Variants in LDB2 observed in about 807,000 individuals in gnomAD.
LDB2 encodes LIM domain-binding protein 2.
In LDB2, 12 loss-of-function variants were observed where a neutral mutation model predicts 44.3. That is an observed-to-expected ratio of 0.27 (90% confidence interval 0.17 to 0.44). The LOEUF is 0.44. Among genes scored for constraint, LDB2 ranks in the 20% least tolerant of loss-of-function variants. LDB2 has a pLI of 1.00. For missense variants in LDB2, 344 were observed against 473.5 expected (o/e 0.73, Z 2.54); for synonymous variants, 164 against 174.8 (o/e 0.94, Z 0.49).
intron 2 of LDB2, among the ~76,000 whole-genome samples, chr4:16,757,357 C>T (rs968316481): frequency 2.6e-5 from 4 of 152,040 alleles, no homozygotes; most frequent in African/African-American, 9.7e-5. Context: ...TATTTTGGCT[C>T]GGAGAAACAA....
intron 5 of LDB2, among the ~76,000 whole-genome samples, chr4:16,559,158 A>G (rs565019894): frequency 1.6e-4 from 24 of 152,326 alleles, no homozygotes; most frequent in Middle Eastern, 3.4e-3. Flanking sequence ...TGCATCAACT[A>G]ACTAGCAAAA....
chr4:16,614,763 T>C (rs1322683841), intron 2 of LDB2, among the ~76,000 whole-genome samples: 1 of 151,750 alleles, frequency 6.6e-6, no homozygotes, highest in East Asian at 1.9e-4. Flanking sequence ...CCAGTCAGAA[T>C]GGTGATTAGT....
intron 2 of LDB2, among the ~76,000 whole-genome samples, chr4:16,620,991 C>T (rs1269266574): frequency 6.6e-6 from 1 of 152,196 alleles, no homozygotes; most frequent in Non-Finnish European, 1.5e-5. Flanking sequence ...TCTAGATTCA[C>T]TGACTAATAG....
At chr4:16,774,201 C>G (rs1374112934) in intron 1 of LDB2, among the ~76,000 whole-genome samples, 1 of 151,482 alleles carries the variant, frequency 6.6e-6, no homozygotes, top group African/African-American at 2.4e-5. Context: ...GATGCAATGC[C>G]CTCATTCCAC....
chr4:16,530,661 T>G (rs1456056982), intron 5 of LDB2, among the ~76,000 whole-genome samples: 1 of 152,242 alleles, frequency 6.6e-6, no homozygotes, highest in Non-Finnish European at 1.5e-5. Flanking sequence ...TTTTGCACGA[T>G]ACAGGCTTTC....
chr4:16,801,071 T>C (rs931973860), intron 1 of LDB2, among the ~76,000 whole-genome samples: 5 of 152,166 alleles, frequency 3.3e-5, no homozygotes, highest in Admixed American at 2.0e-4. Flanking sequence ...AAGTCAAAGC[T>C]CCCCATCTTG....
At chr4:16,766,907 C>T (rs1157378290) in intron 1 of LDB2, among the ~76,000 whole-genome samples, 4 of 152,144 alleles carry the variant, frequency 2.6e-5, no homozygotes, top group African/African-American at 7.2e-5. Context: ...TACTAATAAT[C>T]TCAGATAGTT....
At chr4:16,574,297 A>G (rs1293145224) in intron 5 of LDB2, among the ~76,000 whole-genome samples, 1 of 152,234 alleles carries the variant, frequency 6.6e-6, no homozygotes, top group South Asian at 2.1e-4. Flanking sequence ...TAGCCTATAG[A>G]TAGTATCAAA....
At chr4:16,820,559 TCAGCCC>T (rs756043517) in intron 1 of LDB2, among the ~76,000 whole-genome samples, 2 of 151,956 alleles carry the variant, frequency 1.3e-5, no homozygotes, top group Non-Finnish European at 2.9e-5. Flanking sequence ...CAGGAAGGAG[TCAGCCC>T]CATACCGGGC....
chr4:16,522,952 A>G (rs934558664), intron 5 of LDB2, among the ~76,000 whole-genome samples: 2 of 152,238 alleles, frequency 1.3e-5, no homozygotes, highest in African/African-American at 4.8e-5. Context: ...GGTAAGTTTT[A>G]AAGATTCTTA....
At position 16,614,237 on chromosome 4, in the gene LDB2, C is replaced by T. The variant is rs988547949; in HGVS notation, c.236-18362G>A. Among the ~76,000 whole-genome samples the T allele has an allele frequency of 5.9e-5, 9 of 152,228 alleles. No individual in the cohort carries two copies. The East Asian group carries it at 1.7e-3, about 29-fold the overall frequency. On this transcript the variant is annotated intron_variant, in intron 2 of 7. Transcript: ENST00000304523. ...CCTATATAGAAAACTGAAACCAGAC[C>T]CCTTCCTTAACACCTTATACAAAAA...
intron 4 of LDB2, among the ~76,000 whole-genome samples, chr4:16,587,359 C>T (rs967740437): frequency 1.3e-5 from 2 of 152,168 alleles, no homozygotes; most frequent in African/African-American, 4.8e-5. Flanking sequence ...TGAGGGACTA[C>T]AAGCACAGAG....
chr4:16,873,315 A>C (rs1256238219), intron 1 of LDB2, among the ~76,000 whole-genome samples: 1 of 152,098 alleles, frequency 6.6e-6, no homozygotes, highest in Non-Finnish European at 1.5e-5. Context: ...ATTTTTTTAC[A>C]TTTCTTTTAA....
intron 5 of LDB2, among the ~76,000 whole-genome samples, chr4:16,531,243 C>G (rs936899283): frequency 5.3e-5 from 8 of 152,230 alleles, no homozygotes; most frequent in African/African-American, 1.9e-4. Context: ...GATACCAAGG[C>G]TGATTAAACA....
chr4:16,776,926 T>C (rs1213272353), intron 1 of LDB2, among the ~76,000 whole-genome samples: 1 of 152,204 alleles, frequency 6.6e-6, no homozygotes, highest in African/African-American at 2.4e-5. Flanking sequence ...CTGTGCCTTC[T>C]AGGGTGTTCA....
chr4:16,586,487 TACACACACACACACACACACAC>T (rs5856368), intron 4 of LDB2, among the ~76,000 whole-genome samples: 1 of 128,840 alleles, frequency 7.8e-6, no homozygotes, highest in African/African-American at 2.9e-5. Flanking sequence ...TGTCTTGAAA[TACACACACACACACACACACAC>T]ACACACACAC....
At position 16,705,961 on chromosome 4, in the gene LDB2, CT is replaced by C. The variant is rs200693301; in HGVS notation, c.235+53196del. Among the ~76,000 whole-genome samples, 7 of 151,468 alleles carry C rather than the reference CT, an allele frequency of 4.6e-5. No individual in the cohort carries two copies. The South Asian group carries it at 8.4e-4, about 18-fold the overall frequency. On this transcript the variant is annotated intron_variant, in intron 2 of 7. Transcript: ENST00000304523. The stretch of plus-strand genomic sequence containing the variant: ...TCACTTTTCTCAGTCACTATATAAT[CT>C]TTTTTTTTAAGTGAACAAAATAAAC...
intron 1 of LDB2, among the ~76,000 whole-genome samples, chr4:16,817,105 G>A (rs1365910027): frequency 1.3e-5 from 2 of 152,154 alleles, no homozygotes; most frequent in Non-Finnish European, 2.9e-5. Flanking sequence ...ACAATACCAG[G>A]CATGTAACGC....
At chr4:16,816,407 C>CTTTTTTTTTTT (rs1171864969) in intron 1 of LDB2, among the ~76,000 whole-genome samples, 50 of 121,002 alleles carry the variant, frequency 4.1e-4, no homozygotes, top group Non-Finnish European at 6.3e-4. Context: ...CTTTTTCTTT[C>CTTTTTTTTTTT]TTTTTTTTTT....
Sources: allele counts gnomAD v4.1 joint callset (sites outside exome capture counted in the v4.1 genomes callset), GRCh38; gene constraint gnomAD v4.1.1; transcripts MANE v1.5; gene names NCBI Gene and HGNC (gene_info 2026-07-23, HGNC 2026-07-21).